The following AFF1 variants were observed in gnomAD, a reference collection of about 807,000 sequenced individuals.
The protein encoded by AFF1 is AF4/FMR2 family member 1.
In AFF1, 48 loss-of-function variants were observed where a neutral mutation model predicts 121.7. That is an observed-to-expected ratio of 0.39 (90% CI 0.31 to 0.50). The LOEUF (loss-of-function observed/expected upper bound fraction) is 0.50. AFF1 is among the 20% of genes least tolerant of loss of function. The pLI, the probability that AFF1 is intolerant of heterozygous loss-of-function variation, is 0.76. For synonymous variants in AFF1, 613 were observed against 563.0 expected (o/e 1.09, Z -1.26); for missense variants, 1,523 against 1,511.7 (o/e 1.01, Z -0.12).
intron 1 of AFF1, among the ~76,000 whole-genome samples, chr4:86,939,934 A>C (rs1720332467): frequency 6.6e-6 from 1 of 152,232 alleles, no homozygotes; most frequent in Non-Finnish European, 1.5e-5. Flanking sequence ...CAGAGAGTTT[A>C]AAAAGGTTTC....
chr4:86,964,699 G>T (rs1367208985), intron 2 of AFF1, among the ~76,000 whole-genome samples: 1 of 152,198 alleles, frequency 6.6e-6, no homozygotes, highest in East Asian at 1.9e-4. Flanking sequence ...CTCCCAAAGT[G>T]CTGGGATTAC....
At chr4:86,958,627 C>T (rs1055173926) in intron 2 of AFF1, among the ~76,000 whole-genome samples, 15 of 151,764 alleles carry the variant, frequency 9.9e-5, no homozygotes, top group African/African-American at 2.9e-4. Context: ...CTGAGGCAGG[C>T]GAACCACTTC....
intron 10 of AFF1, among the ~76,000 whole-genome samples, chr4:87,107,079 G>A (rs909474366): frequency 9.1e-6 from 1 of 109,888 alleles, no homozygotes; most frequent in African/African-American, 3.1e-5. Context: ...ACTGGCTTAC[G>A]CTCTTCAGCT....
intron 2 of AFF1, among the ~76,000 whole-genome samples, chr4:87,032,952 C>T (rs974191635): frequency 2.6e-5 from 4 of 152,104 alleles, no homozygotes; most frequent in East Asian, 3.9e-4. Flanking sequence ...AGTTTGAGAC[C>T]GACCTAGGCA....
At chr4:87,002,404 AGTT>A (rs1725794558) in intron 2 of AFF1, among the ~76,000 whole-genome samples, 1 of 144,638 alleles carries the variant, frequency 6.9e-6, no homozygotes. Flanking sequence ...TCAACTCTTA[AGTT>A]GTTAAAAGGG....
Position 87,066,390 on chromosome 4 carries a change from G to A in AFF1, c.1060-17730G>A, listed in dbSNP as rs1346982130. On this transcript the variant is annotated intron_variant, in intron 4 of 20. Transcript: ENST00000395146. ...CTGTAGGCCAGGAGTTTTGAGACTA[G>A]CCTAGGCAACATAGACCGCCCCCCA... 2.0e-5 allele frequency among the ~76,000 whole-genome samples: 3 copies of A among 152,036 alleles called. 1 individual carries two copies. In the South Asian group the frequency reaches 6.2e-4, roughly 32 times the overall value.
chr4:87,014,521 C>A (rs1277563602), intron 2 of AFF1, among the ~76,000 whole-genome samples: 2 of 152,218 alleles, frequency 1.3e-5, no homozygotes, highest in Non-Finnish European at 2.9e-5. Context: ...GATGTCACTT[C>A]CTGTAACAAA....
In AFF1 at chr4:87,018,247, T is replaced by C. The variant is rs550744243; in HGVS notation, c.39-27919T>C. On this transcript the variant is annotated intron_variant, in intron 2 of 20. Transcript: ENST00000395146. ...TGAGTTGGTTTAGATAAATACACTG[T>C]CTCCCTCCCTACAAGGAGCTCATAG... is the stretch of plus-strand genomic sequence containing the variant. Among the ~76,000 whole-genome samples, 10 of 152,276 alleles carry C rather than the reference T, an allele frequency of 6.6e-5. No individual in the cohort carries two copies. In the East Asian group the frequency reaches 1.9e-3, roughly 29 times the overall value.
intron 2 of AFF1, among the ~76,000 whole-genome samples, chr4:86,968,694 G>T (rs1479625881): frequency 6.6e-6 from 1 of 152,192 alleles, no homozygotes; most frequent in Non-Finnish European, 1.5e-5. Context: ...CACTGCTGGG[G>T]ACGGAAGAGG....
intron 2 of AFF1, among the ~76,000 whole-genome samples, chr4:86,997,762 A>G (rs1381759905): frequency 3.2e-5 from 2 of 61,758 alleles, no homozygotes. Context: ...ACTCCATCTC[A>G]AAAAAAAAAA....
chr4:87,023,027 C>G (rs766962928), intron 2 of AFF1, among the ~76,000 whole-genome samples: 1 of 151,610 alleles, frequency 6.6e-6, no homozygotes. Flanking sequence ...CTCACCCTCC[C>G]GAGTAGCTGG....
chr4:87,063,442 T>TG (rs1358505153), intron 4 of AFF1, among the ~76,000 whole-genome samples: 1 of 151,892 alleles, frequency 6.6e-6, no homozygotes. Context: ...TTTCTCCGTG[T>TG]GGGTGAGGCT....
chr4:87,133,674 A>G (rs1441482059), intron 19 of AFF1, among the ~76,000 whole-genome samples: 2 of 152,162 alleles, frequency 1.3e-5, no homozygotes, highest in Non-Finnish European at 1.5e-5. Context: ...CTTTCACTCT[A>G]CTCCTTGCAA....
intron 4 of AFF1, among the ~76,000 whole-genome samples, chr4:87,066,768 C>T (rs1721391775): frequency 6.6e-6 from 1 of 152,168 alleles, no homozygotes; most frequent in Non-Finnish European, 1.5e-5. Flanking sequence ...ATTCTCAACC[C>T]AACCCTGAAG....
At chr4:87,070,171 T>C (rs1721883286) in intron 4 of AFF1, among the ~76,000 whole-genome samples, 1 of 152,188 alleles carries the variant, frequency 6.6e-6, no homozygotes, top group Non-Finnish European at 1.5e-5. Flanking sequence ...ACCACGCTAA[T>C]TTTTGTATTT....
Position 87,051,904 on chromosome 4 carries a change from T to A in AFF1, c.1059+4310T>A, listed in dbSNP as rs1291119865. Reference sequence around the variant, plus strand: ...ATGGGGGGCATTGATAATATAGTTATAATGAAATCATAGGCGTTGATAAGA... The same window carrying A: ...ATGGGGGGCATTGATAATATAGTTAAAATGAAATCATAGGCGTTGATAAGA... On this transcript the variant is annotated intron_variant, in intron 4 of 20. Coordinates refer to ENST00000395146, the MANE Select transcript of AFF1 (RefSeq NM_001166693.3). 2.6e-5 allele frequency among the ~76,000 whole-genome samples: 4 copies of A among 152,176 alleles called. No individual in the cohort carries two copies. The East Asian group carries it at 7.7e-4, about 29-fold the overall frequency.
chr4:86,942,128 T>C (rs1720510830), intron 1 of AFF1, among the ~76,000 whole-genome samples: 1 of 152,234 alleles, frequency 6.6e-6, no homozygotes, highest in Non-Finnish European at 1.5e-5. Context: ...TTTTTTTCTT[T>C]TTTATGGTAA....
At chr4:87,020,866 T>G (rs1578078925) in intron 2 of AFF1, 2 of 977,294 alleles carry the variant, frequency 2.0e-6, no homozygotes, top group African/African-American at 3.5e-5. Context: ...TAGTTTTTAA[T>G]GTATTCTTCC....
chr4:87,002,135 G>A (rs1284423770), intron 2 of AFF1, among the ~76,000 whole-genome samples: 1 of 141,100 alleles, frequency 7.1e-6, no homozygotes, highest in Non-Finnish European at 1.5e-5. Flanking sequence ...AGACGGTCTT[G>A]CTCTGTTGCC....
Sources: gnomAD v4.1 joint callset for allele counts (sites outside exome capture counted in the v4.1 genomes callset) on GRCh38, gnomAD v4.1.1 for gene constraint, MANE v1.5 for transcripts, NCBI Gene and HGNC (gene_info 2026-07-23, HGNC 2026-07-21) for gene names.